RERE: variants seen among roughly 807,000 people sequenced by gnomAD.
RERE encodes the protein arginine-glutamic acid dipeptide repeats.
A neutral mutation model predicts 146.1 loss-of-function variants in RERE; 40 were observed. The observed-to-expected ratio is 0.27, with a 90% CI of 0.21 to 0.36. The LOEUF is 0.36. RERE is among the 10% of genes least tolerant of loss of function. The probability of loss-of-function intolerance (pLI) is 1.00; values close to 1 mark genes in which losing one functional copy is unlikely to be tolerated. For synonymous variants in RERE, 1,003 were observed against 866.0 expected, an observed-to-expected ratio of 1.16 and a Z score of -2.78; for missense variants, 1,933 against 2,138.7, an observed-to-expected ratio of 0.90 and a Z score of 1.90.
chr1:8,600,945 G>A (rs1460171888), intron 4 of RERE, among the ~76,000 whole-genome samples: 9 of 149,636 alleles, frequency 6.0e-5, no homozygotes, highest in South Asian at 4.2e-4. Flanking sequence ...TAGTAGAGAC[G>A]GGGTTTCACC....
chr1:8,638,134 T>C (rs1425095152), intron 2 of RERE, among the ~76,000 whole-genome samples: 1 of 152,248 alleles, frequency 6.6e-6, no homozygotes, highest in African/African-American at 2.4e-5. Context: ...ATTGAAATAC[T>C]TATCATAATA....
intron 10 of RERE, among the ~76,000 whole-genome samples, chr1:8,475,661 G>A (rs916578788): frequency 1.3e-5 from 2 of 150,162 alleles, no homozygotes; most frequent in African/African-American, 2.5e-5. Flanking sequence ...TAGCCTGGGC[G>A]AAAAGAGTGA....
At chr1:8,594,771 G>C (rs1247740479) in intron 4 of RERE, among the ~76,000 whole-genome samples, 1 of 152,026 alleles carries the variant, frequency 6.6e-6, no homozygotes, top group Non-Finnish European at 1.5e-5. Context: ...AATCAGATGC[G>C]CTCTGAACCA....
Position 8,360,463 on chromosome 1 carries a change from GGGGGCA to G in RERE, c.3038_3043del (p.Leu1013_Pro1014del). ...TGTAGGGGGGTGGGAGGCAGGGGGC[GGGGGCA>G]GGTTCTGGCTCTGGGTCAGCCCGGG... On this transcript the variant is annotated inframe_deletion, in exon 18 of 23. Transcript: ENST00000400908. 9.3e-7 allele frequency: 1 copy of G among 1,072,342 alleles called. No individual in the cohort carries two copies. Among genetic ancestry groups the G allele is most frequent in the Non-Finnish European group, 1.3e-6 (1 of 789,274 alleles). The allele number at this position is 1,072,342 out of a possible 1,614,324, so 66.4% of individuals were successfully genotyped here.
chr1:8,570,983 G>A (rs1483406805), intron 4 of RERE, among the ~76,000 whole-genome samples: 1 of 152,104 alleles, frequency 6.6e-6, no homozygotes, highest in East Asian at 1.9e-4. Context: ...CAAATTTAAG[G>A]TATCTTTCCA....
At chr1:8,707,252 T>G (rs10864363) in intron 1 of RERE, among the ~76,000 whole-genome samples, 36,511 of 152,248 alleles carry the variant, frequency 0.24, 6,064 homozygotes, top group East Asian at 0.78. Flanking sequence ...CCAAGTGAGC[T>G]GACATCTGAC....
intron 11 of RERE, among the ~76,000 whole-genome samples, chr1:8,445,684 CTTTTT>C (rs879168605): frequency 6.8e-6 from 1 of 146,122 alleles, no homozygotes; most frequent in East Asian, 2.0e-4. Flanking sequence ...GGAACCCCAC[CTTTTT>C]TTTTTTATGT....
chr1:8,686,964 T>C lies in RERE; in HGVS notation c.-144-30523A>G, dbSNP rs576288568. On this transcript the variant is annotated intron_variant, in intron 1 of 22. Transcript: ENST00000400908. ...GCCTTAGTGATCATCACAAGGGCAG[T>C]TTCCCTGGAGCAACAACGGATGGAT... 7.2e-5 allele frequency among the ~76,000 whole-genome samples: 11 copies of C among 152,158 alleles called. No homozygotes were observed. The East Asian group carries it at 2.1e-3, about 29-fold the overall frequency.
chr1:8,403,825 C>CTTTTTTT (rs869295197), intron 12 of RERE, among the ~76,000 whole-genome samples: 2,175 of 70,756 alleles, frequency 0.031, 642 homozygotes, highest in East Asian at 0.09. Context: ...AAAATCTTAG[C>CTTTTTTT]TTTTTTTTTT....
intron 1 of RERE, among the ~76,000 whole-genome samples, chr1:8,692,764 C>G: frequency 6.6e-6 from 1 of 152,128 alleles, no homozygotes; most frequent in East Asian, 1.9e-4. Context: ...TGATTAAATC[C>G]GTGGACACAG....
intron 1 of RERE, among the ~76,000 whole-genome samples, chr1:8,679,826 T>C (rs762723215): frequency 2.6e-5 from 4 of 152,226 alleles, no homozygotes; most frequent in Admixed American, 6.5e-5. Context: ...TCAAGAATGA[T>C]TGAAATATCT....
chr1:8,803,465 T>C (rs576856169), intron 1 of RERE, among the ~76,000 whole-genome samples: 12 of 151,950 alleles, frequency 7.9e-5, no homozygotes, highest in Non-Finnish European at 1.5e-4. Context: ...TGAGACTCTG[T>C]CTCAAAAATA....
At chr1:8,604,594 AAGGAAGGG>A (rs879619212) in intron 4 of RERE, among the ~76,000 whole-genome samples, 2,389 of 80,000 alleles carry the variant, frequency 0.03, 109 homozygotes, top group South Asian at 0.045. Flanking sequence ...GGAAGGAAGG[AAGGAAGGG>A]AGGGAGGGAG....
At chr1:8,743,532 A>G (rs1380763545) in intron 1 of RERE, among the ~76,000 whole-genome samples, 1 of 150,396 alleles carries the variant, frequency 6.6e-6, no homozygotes, top group Non-Finnish European at 1.5e-5. Context: ...AAGTGCTGGG[A>G]TTACAGGCGT....
At chr1:8,366,678 C>CTGA (rs1397478939) in intron 12 of RERE, among the ~76,000 whole-genome samples, 1 of 152,196 alleles carries the variant, frequency 6.6e-6, no homozygotes, top group African/African-American at 2.4e-5. Context: ...CACAGTGGTG[C>CTGA]TGATGCAAAG....
chr1:8,578,325 T>C (rs2124040245), intron 4 of RERE, among the ~76,000 whole-genome samples: 1 of 152,248 alleles, frequency 6.6e-6, no homozygotes, highest in South Asian at 2.1e-4. Flanking sequence ...CCTATTAGCA[T>C]TTCTATTGCT....
At chr1:8,796,654 C>A (rs1387856299) in intron 1 of RERE, 1 of 151,426 alleles carries the variant, frequency 6.6e-6, no homozygotes, top group African/African-American at 2.4e-5. Context: ...AAGATTAAAT[C>A]ACTAACTTCA....
rs60346942 is a variant in RERE at position 8,605,845 on chromosome 1, C to CT, written c.522+8715dup. Reference sequence around the variant, plus strand: ...ACAAATTTAAGTGTTAAATACCAAACTTTTTTTTTTTTTTTTTGAGACAGC... The same window carrying CT: ...ACAAATTTAAGTGTTAAATACCAAACTTTTTTTTTTTTTTTTTTGAGACAGC... On this transcript the variant is annotated intron_variant, in intron 4 of 22. Transcript: ENST00000400908. Among the ~76,000 whole-genome samples the CT allele has an allele frequency of 4.8e-4, 45 of 93,216 alleles. 8 individuals carry two copies. The highest frequency in any genetic ancestry group is 0.011 in the Middle Eastern group (1 of 90). 61.2% of individuals were successfully genotyped at this position (93,216 alleles called of 152,430 possible).
chr1:8,763,054 T>C (rs938972105), intron 1 of RERE, among the ~76,000 whole-genome samples: 1 of 152,094 alleles, frequency 6.6e-6, no homozygotes, highest in African/African-American at 2.4e-5. Flanking sequence ...ACTCAGAAAT[T>C]TCCTATCTGC....
Sources: allele counts gnomAD v4.1 joint callset (sites outside exome capture counted in the v4.1 genomes callset), GRCh38; gene constraint gnomAD v4.1.1; transcripts MANE v1.5; gene names NCBI Gene and HGNC (gene_info 2026-07-23, HGNC 2026-07-21).